Variants in CLIP1 observed in about 807,000 individuals in gnomAD.
The protein encoded by CLIP1 is CAP-Gly domain-containing linker protein 1.
In CLIP1, 66 loss-of-function variants were observed where a neutral mutation model predicts 161.6. The ratio of observed to expected loss-of-function variants is 0.41; its 90% CI spans 0.33 to 0.50. The LOEUF is 0.50. CLIP1 is among the 20% of genes least tolerant of loss of function. CLIP1 has a pLI of 0.27. For missense variants in CLIP1, 1,376 were observed against 1,702.0 expected, an observed-to-expected ratio of 0.81 and a Z score of 3.37; for synonymous variants, 598 against 626.2, an observed-to-expected ratio of 0.96 and a Z score of 0.67.
intron 1 of CLIP1, among the ~76,000 whole-genome samples, chr12:122,416,005 T>G (rs1037668125): frequency 9.9e-5 from 15 of 151,892 alleles, no homozygotes; most frequent in African/African-American, 3.6e-4. Flanking sequence ...TGTGGGAGGC[T>G]GAGGTGGGTG....
intron 3 of CLIP1, among the ~76,000 whole-genome samples, chr12:122,374,278 TG>T (rs1420128952): frequency 2.1e-5 from 3 of 140,712 alleles, no homozygotes; most frequent in African/African-American, 8.1e-5. Flanking sequence ...GAGACCATCC[TG>T]GCTAACACAG....
chr12:122,360,310 C>T lies in CLIP1; in HGVS notation c.1005+649G>A, dbSNP rs140222361. The stretch of plus-strand genomic sequence containing the variant: ...AAGAGAGGCTGGGAGCAGTGGCTCA[C>T]GCCTGTAAATCCCAACACTTTGGAA... On this transcript the variant is annotated intron_variant, in intron 5 of 25. Coordinates refer to ENST00000620786, the MANE Select transcript of CLIP1 (RefSeq NM_001247997.2). Among the ~76,000 whole-genome samples the T allele has an allele frequency of 2.3e-3, 344 of 151,432 alleles. 1 individual carries two copies. Among genetic ancestry groups the T allele is most frequent in the Non-Finnish European group, 4.0e-3 (272 of 67,970 alleles).
chr12:122,407,850 T>C (rs1956388307), intron 1 of CLIP1, among the ~76,000 whole-genome samples: 1 of 147,924 alleles, frequency 6.8e-6, no homozygotes, highest in South Asian at 2.1e-4. Context: ...CAGTCAGACA[T>C]GGCCCACACC....
intron 19 of CLIP1, among the ~76,000 whole-genome samples, chr12:122,314,206 G>A (rs1951174287): frequency 1.3e-5 from 2 of 150,368 alleles, no homozygotes; most frequent in East Asian, 2.0e-4. Context: ...CAGGAGAATC[G>A]CTTCAACCCG....
intron 19 of CLIP1, among the ~76,000 whole-genome samples, chr12:122,314,375 G>T (rs1407917579): frequency 6.6e-6 from 1 of 151,990 alleles, no homozygotes; most frequent in African/African-American, 2.4e-5. Flanking sequence ...GGAGGTTGAG[G>T]CACGAAAACT....
intron 1 of CLIP1, chr12:122,400,731 A>G (rs1369918489): frequency 1.3e-5 from 2 of 152,210 alleles, no homozygotes; most frequent in African/African-American, 2.4e-5. Context: ...CAACGAATCT[A>G]AAAAAGTTTG....
intron 19 of CLIP1, among the ~76,000 whole-genome samples, chr12:122,312,731 C>T (rs148612576): frequency 5.9e-5 from 9 of 152,240 alleles, no homozygotes; most frequent in Non-Finnish European, 1.2e-4. Flanking sequence ...TGCCACTGTA[C>T]TCTAGCTAGG....
At chr12:122,365,757 C>T in intron 3 of CLIP1, 2 of 602,668 alleles carry the variant, frequency 3.3e-6, no homozygotes, top group Admixed American at 3.1e-5. Flanking sequence ...CCTGTAATCT[C>T]AGCACTTTGG....
chr12:122,283,784 A>G (rs1955741469), intron 21 of CLIP1, among the ~76,000 whole-genome samples: 1 of 152,124 alleles, frequency 6.6e-6, no homozygotes, highest in Admixed American at 6.6e-5. Flanking sequence ...TTAATCCTAC[A>G]GTTGGGAGTA....
chr12:122,284,068 A>G (rs1274500619), intron 21 of CLIP1, among the ~76,000 whole-genome samples: 1 of 152,216 alleles, frequency 6.6e-6, no homozygotes, highest in Non-Finnish European at 1.5e-5. Context: ...TCTGAGTTTT[A>G]GAAGGCAATG....
chr12:122,277,997 A>AT (rs1955500525), intron 24 of CLIP1, 157 bp downstream of exon 24: 2 of 701,272 alleles, frequency 2.9e-6, no homozygotes, highest in Non-Finnish European at 4.9e-6. Context: ...TAATGTATAT[A>AT]TTTTTAATTC....
At chr12:122,352,850 A>AAAAC (rs1359983754) in intron 7 of CLIP1, 64 bp from the exon 8 acceptor site, 4 of 1,413,076 alleles carry the variant, frequency 2.8e-6, no homozygotes, top group Non-Finnish European at 4.0e-6. Context: ...TTAAAAAAAC[A>AAAAC]AAACAAACAA....
intron 17 of CLIP1, among the ~76,000 whole-genome samples, chr12:122,325,852 G>T (rs138035720): frequency 1.8e-4 from 28 of 152,104 alleles, no homozygotes; most frequent in African/African-American, 6.5e-4. Context: ...ACGGTCTCAC[G>T]ATGTTGTCCA....
At chr12:122,389,758 C>CAAA (rs57168188) in intron 1 of CLIP1, among the ~76,000 whole-genome samples, 3,790 of 68,582 alleles carry the variant, frequency 0.055, 564 homozygotes, top group East Asian at 0.3. Flanking sequence ...GATCCTGTCT[C>CAAA]AAAAAAAAAA....
intron 20 of CLIP1, among the ~76,000 whole-genome samples, chr12:122,295,170 A>G (rs1364016030): frequency 6.6e-6 from 1 of 152,172 alleles, no homozygotes; most frequent in Non-Finnish European, 1.5e-5. Flanking sequence ...TTGGAGTCCA[A>G]GACCAGCCGG....
chr12:122,306,912 G>C (rs1387197438), intron 20 of CLIP1, among the ~76,000 whole-genome samples: 1 of 149,378 alleles, frequency 6.7e-6, no homozygotes, highest in African/African-American at 2.5e-5. Context: ...TCTCAGAATA[G>C]AACAGCAGCT....
intron 3 of CLIP1, chr12:122,365,506 C>T: frequency 1.2e-6 from 1 of 822,310 alleles, no homozygotes; most frequent in South Asian, 1.3e-5. Context: ...AGAAAGAAGC[C>T]AAAGAGCAAG....
intron 1 of CLIP1, chr12:122,396,102 T>A (rs1361614100): frequency 2.1e-5 from 3 of 141,148 alleles, no homozygotes; most frequent in African/African-American, 7.9e-5. Flanking sequence ...CAAGACTCCA[T>A]CTCAAAAAAA....
intron 1 of CLIP1, among the ~76,000 whole-genome samples, chr12:122,415,255 G>T (rs932483040): frequency 6.6e-6 from 1 of 151,684 alleles, no homozygotes; most frequent in African/African-American, 2.4e-5. Flanking sequence ...GCAGAGGCGG[G>T]CGGATCACGA....
Sources: allele counts gnomAD v4.1 joint callset (sites outside exome capture counted in the v4.1 genomes callset), GRCh38; gene constraint gnomAD v4.1.1; transcripts MANE v1.5; gene names NCBI Gene and HGNC (gene_info 2026-07-23, HGNC 2026-07-21).